STARD3NL: variants seen among roughly 807,000 people sequenced by gnomAD.
STARD3NL encodes the protein STARD3 N-terminal like, also known as STARD3 N-terminal-like protein.
In STARD3NL, 17 loss-of-function variants were observed where a neutral mutation model predicts 30.9. The observed-to-expected ratio is 0.55, with a 90% confidence interval of 0.38 to 0.82. The LOEUF (loss-of-function observed/expected upper bound fraction) is 0.82. STARD3NL is among the 40% of genes least tolerant of loss of function. The pLI is 0.00. For synonymous variants in STARD3NL, 112 were observed against 100.5 expected (o/e 1.11, Z -0.69); for missense variants, 234 against 277.6 (o/e 0.84, Z 1.12).
chr7:38,193,467 T>G (rs1428359095), intron 1 of STARD3NL, among the ~76,000 whole-genome samples: 1 of 152,000 alleles, frequency 6.6e-6, no homozygotes, highest in Non-Finnish European at 1.5e-5. Context: ...CCCGGCTAAT[T>G]TTTTGTATTT....
chr7:38,209,107 TAA>T (rs1277781329), intron 2 of STARD3NL, among the ~76,000 whole-genome samples: 1 of 152,234 alleles, frequency 6.6e-6, no homozygotes, highest in Non-Finnish European at 1.5e-5. Context: ...GTGGGATTGT[TAA>T]GTTTTGTTTA....
At chr7:38,220,217 C>G (rs747502563) in intron 7 of STARD3NL, among the ~76,000 whole-genome samples, 9 of 152,168 alleles carry the variant, frequency 5.9e-5, no homozygotes, top group Non-Finnish European at 1.3e-4. Context: ...CTCCCTGCCT[C>G]CAGTTTTGTC....
At chr7:38,216,381 A>C (rs547990483) in intron 4 of STARD3NL, 1 of 152,244 alleles carries the variant, frequency 6.6e-6, no homozygotes, top group Non-Finnish European at 1.5e-5. Context: ...GTATTTAAAG[A>C]GTGCTTAGTG....
At chr7:38,215,863 T>G (rs1260818883) in intron 4 of STARD3NL, 1 of 152,334 alleles carries the variant, frequency 6.6e-6, no homozygotes, top group Non-Finnish European at 1.5e-5. Flanking sequence ...TTTCTCCAGC[T>G]GGGAATAGGA....
chr7:38,178,714 C>G (rs961811715), intron 1 of STARD3NL, among the ~76,000 whole-genome samples: 1 of 152,200 alleles, frequency 6.6e-6, no homozygotes, highest in Non-Finnish European at 1.5e-5. Context: ...CTCCAGCCTG[C>G]GGACCCTGAG....
intron 2 of STARD3NL, among the ~76,000 whole-genome samples, chr7:38,209,868 T>C (rs771933894): frequency 2.0e-5 from 3 of 152,236 alleles, no homozygotes; most frequent in Non-Finnish European, 4.4e-5. Context: ...TGCAACGTGT[T>C]ATAAATGAAA....
chr7:38,179,651 G>T (rs149385220), intron 1 of STARD3NL, among the ~76,000 whole-genome samples: 221 of 152,316 alleles, frequency 1.5e-3, no homozygotes, highest in African/African-American at 5.1e-3. Context: ...TACCCTCAAA[G>T]ACTTTAACTT....
intron 1 of STARD3NL, among the ~76,000 whole-genome samples, chr7:38,183,287 TC>T (rs2115904416): frequency 6.6e-6 from 1 of 152,296 alleles, no homozygotes; most frequent in African/African-American, 2.4e-5. Flanking sequence ...GGGCCTCTGT[TC>T]CTCAGCACTG....
intron 7 of STARD3NL, among the ~76,000 whole-genome samples, chr7:38,223,894 A>G (rs1786608202): frequency 6.6e-6 from 1 of 152,196 alleles, no homozygotes; most frequent in South Asian, 2.1e-4. Flanking sequence ...TTTTTAATCA[A>G]TATTACAGTG....
intron 7 of STARD3NL, among the ~76,000 whole-genome samples, chr7:38,219,890 T>C (rs557691570): frequency 2.0e-5 from 3 of 152,304 alleles, no homozygotes; most frequent in Admixed American, 2.0e-4. Flanking sequence ...ATTTGTGATA[T>C]GTATCTTAGA....
intron 1 of STARD3NL, among the ~76,000 whole-genome samples, chr7:38,190,157 C>CAGATAGCAT (rs1223115283): frequency 6.6e-6 from 1 of 152,178 alleles, no homozygotes; most frequent in African/African-American, 2.4e-5. Context: ...CAATAATGGG[C>CAGATAGCAT]AGATAGCATA....
At chr7:38,221,883 T>C (rs1404667504) in intron 7 of STARD3NL, among the ~76,000 whole-genome samples, 5 of 152,190 alleles carry the variant, frequency 3.3e-5, no homozygotes, top group Non-Finnish European at 7.4e-5. Context: ...CTGTTTCCAT[T>C]CTGAGCATGA....
intron 7 of STARD3NL, among the ~76,000 whole-genome samples, chr7:38,224,343 T>G (rs1030762154): frequency 6.6e-6 from 1 of 152,248 alleles, no homozygotes; most frequent in South Asian, 2.1e-4. Context: ...CTGTGTCATG[T>G]GGCAAGTTTC....
intron 7 of STARD3NL, among the ~76,000 whole-genome samples, chr7:38,228,359 G>C (rs528586140): frequency 8.5e-5 from 13 of 152,320 alleles, no homozygotes; most frequent in African/African-American, 2.6e-4. Flanking sequence ...AGAAGGGCCA[G>C]ACTGTGGTCA....
At chr7:38,217,891 A>G (rs1239925360) in intron 6 of STARD3NL, among the ~76,000 whole-genome samples, 2 of 152,198 alleles carry the variant, frequency 1.3e-5, no homozygotes, top group Non-Finnish European at 2.9e-5. Context: ...ACAGCAAGCC[A>G]GAGCGACGCT....
At chr7:38,199,380 T>G (rs1293032069) in intron 1 of STARD3NL, among the ~76,000 whole-genome samples, 1 of 152,272 alleles carries the variant, frequency 6.6e-6, no homozygotes, top group Non-Finnish European at 1.5e-5. Flanking sequence ...CAACAGAGAT[T>G]GCTGAGAGCC....
At position 38,214,372 on chromosome 7, in the gene STARD3NL, G is replaced by C. The variant is rs1040080762; in HGVS notation, c.241G>C (p.Glu81Gln). ...TCCTTTCTAGGTGAATGGAGGCATTGAGAACACATTAGAGAAGGAGGTGAT... is the reference window on the plus strand; with the variant it reads ...TCCTTTCTAGGTGAATGGAGGCATTCAGAACACATTAGAGAAGGAGGTGAT... ...IIELNVNGGI[E>Q]NTLEKEVMQY... Residue 81 changes from glutamate (E) to glutamine (Q), a missense_variant, in exon 3 of 9, where the codon GAG becomes CAG. Transcript: ENST00000009041. 11 of 1,606,196 alleles carry C rather than the reference G, an allele frequency of 6.8e-6. No individual in the cohort carries two copies. The African/African-American group carries it at 1.2e-4, about 18-fold the overall frequency.
intron 1 of STARD3NL, among the ~76,000 whole-genome samples, chr7:38,201,403 ATCTT>A (rs1170042450): frequency 6.6e-6 from 1 of 152,086 alleles, no homozygotes; most frequent in East Asian, 1.9e-4. Flanking sequence ...ACGTTTCTTA[ATCTT>A]TCTTATTCAC....
chr7:38,201,406 T>C (rs944146567), intron 1 of STARD3NL, among the ~76,000 whole-genome samples: 1 of 152,216 alleles, frequency 6.6e-6, no homozygotes, highest in Non-Finnish European at 1.5e-5. Flanking sequence ...TTTCTTAATC[T>C]TTCTTATTCA....
Sources: allele counts gnomAD v4.1 joint callset (sites outside exome capture counted in the v4.1 genomes callset), GRCh38; gene constraint gnomAD v4.1.1; transcripts MANE v1.5; gene names NCBI Gene and HGNC (gene_info 2026-07-23, HGNC 2026-07-21).